The following OLFM1 variants were observed in gnomAD, a reference collection of about 807,000 sequenced individuals.
OLFM1 encodes the protein olfactomedin 1, also known as noelin.
Under a neutral mutation model 49.7 loss-of-function variants are expected in OLFM1, and 9 were observed. The observed-to-expected ratio is 0.18, with a 90% CI of 0.11 to 0.32. OLFM1 has a LOEUF of 0.32. OLFM1 is among the 10% of genes least tolerant of loss of function. The probability of loss-of-function intolerance (pLI) is 1.00; values close to 1 mark genes in which losing one functional copy is unlikely to be tolerated. For missense variants in OLFM1, 369 were observed against 661.8 expected (o/e 0.56, Z 4.85); for synonymous variants, 240 against 271.8 (o/e 0.88, Z 1.15).
Position 135,120,459 on chromosome 9 carries a change from T to A in OLFM1, c.*281T>A, listed in dbSNP as rs149636813. ...GTCCCTCTCTGGTCAAACAACATAC[T>A]AAAGAGGCGAGGCAATGACTGTTGG... On this transcript the variant is annotated 3_prime_UTR_variant, in exon 6 of 6. Transcript: ENST00000371793. 1.2e-3 allele frequency: 562 copies of A among 462,810 alleles called. No individual in the cohort carries two copies. Among genetic ancestry groups the A allele is most frequent in the Non-Finnish European group, 1.7e-3 (448 of 258,046 alleles). The allele number at this position is 462,810 out of a possible 1,614,324, so 28.7% of individuals were successfully genotyped here.
At chr9:135,091,556 CAT>C (rs1422866113) in intron 2 of OLFM1, among the ~76,000 whole-genome samples, 74 of 87,506 alleles carry the variant, frequency 8.5e-4, no homozygotes, top group African/African-American at 3.0e-3. Context: ...GTCACACACT[CAT>C]AGTCACACAC....
chr9:135,116,575 AAC>A (rs1015684570), intron 5 of OLFM1, among the ~76,000 whole-genome samples: 4 of 152,150 alleles, frequency 2.6e-5, no homozygotes, highest in African/African-American at 9.6e-5. Flanking sequence ...GTGATGTGTG[AAC>A]ACAGTCAAAG....
At chr9:135,095,745 C>T in intron 2 of OLFM1, 119 bp from the exon 3 acceptor site, 1 of 1,030,306 alleles carries the variant, frequency 9.7e-7, no homozygotes, top group South Asian at 1.5e-5. Context: ...ATGCATGGGC[C>T]ACTTCTGGTT....
chr9:135,084,112 C>T (rs1830565664), upstream of OLFM1, among the ~76,000 whole-genome samples: 1 of 152,234 alleles, frequency 6.6e-6, no homozygotes, highest in Admixed American at 6.5e-5. The surrounding 1 kb of genome is among the most constrained non-coding windows in gnomAD (Gnocchi z 4.6). Context: ...TCTTCTGTGG[C>T]TGCCGAGAGG....
At chr9:135,079,993 T>C (rs888212110) in intron 1 of OLFM1, among the ~76,000 whole-genome samples, 6 of 151,972 alleles carry the variant, frequency 3.9e-5, no homozygotes, top group South Asian at 2.1e-4. Flanking sequence ...GGGACTGCAC[T>C]TGGGGAGTTG....
At chr9:135,114,594 G>A (rs1298146646) in intron 5 of OLFM1, among the ~76,000 whole-genome samples, 1 of 151,886 alleles carries the variant, frequency 6.6e-6, no homozygotes, top group Admixed American at 6.6e-5. Flanking sequence ...GTGGCCTGGG[G>A]CAGGGATGGG....
At position 135,098,610 on chromosome 9, in the gene OLFM1, G is replaced by C. The variant is rs542384773; in HGVS notation, c.676+105G>C. On this transcript the variant is annotated intron_variant, in intron 4 of 5. Transcript: ENST00000371793. The surrounding 1 kb of genome is among the most constrained non-coding windows in gnomAD (Gnocchi z 5.6). ...GTGGACAGCGCCCGCCTGGCTTCGC[G>C]AGGTGATGGCTGGATTAGGGCTCCT... is the stretch of plus-strand genomic sequence containing the variant. The C allele has an allele frequency of 5.8e-6, 6 of 1,035,214 alleles. No individual in the cohort carries two copies. In the East Asian group the frequency reaches 1.5e-4, roughly 26 times the overall value. 64.1% of individuals were successfully genotyped at this position (1,035,214 alleles called of 1,614,324 possible). A position where few individuals can be genotyped will look rare whatever the true frequency, so the allele number is the denominator to read the frequency against.
chr9:135,097,501 C>T (rs77250383), intron 3 of OLFM1, among the ~76,000 whole-genome samples: 2,253 of 152,292 alleles, frequency 0.015, 36 homozygotes, highest in Non-Finnish European at 0.02. Context: ...ACGTTGTTGA[C>T]ACAGGCATCT....
chr9:135,080,808 C>T lies in OLFM1; in HGVS notation c.96+5006C>T, dbSNP rs1830522712. ...CAGGGCGAGCAGCCAATTTCCAGCT[C>T]TGAAAGATTCGTCCTGGACACCCTG... On this transcript the variant is annotated intron_variant, in intron 1 of 5. Transcript: ENST00000252854. The surrounding 1 kb of genome is among the most constrained non-coding windows in gnomAD (Gnocchi z 4.5). Among the ~76,000 whole-genome samples, 1 of 152,122 alleles carries T rather than the reference C, an allele frequency of 6.6e-6. No individual in the cohort carries two copies. Among genetic ancestry groups the T allele is most frequent in the African/African-American group, 2.4e-5 (1 of 41,422 alleles).
chr9:135,076,859 G>C lies in OLFM1; in HGVS notation c.96+1057G>C, dbSNP rs1344613202. The C allele has an allele frequency of 2.6e-6, 4 of 1,550,414 alleles. No individual in the cohort carries two copies. The African/African-American group carries it at 5.5e-5, about 21-fold the overall frequency. On this transcript the variant is annotated intron_variant, in intron 1 of 5. Transcript: ENST00000252854. Reference sequence around the variant, plus strand: ...AGAAGATGGGAGGGCCAGAGAGCGAGAGGAAGACCACAGGAGAGAAGACAC... The same window carrying C: ...AGAAGATGGGAGGGCCAGAGAGCGACAGGAAGACCACAGGAGAGAAGACAC...
chr9:135,081,833 G>A (rs964461778), intron 1 of OLFM1, among the ~76,000 whole-genome samples: 2 of 152,154 alleles, frequency 1.3e-5, no homozygotes, highest in South Asian at 2.1e-4. Context: ...CTCTCAGTGA[G>A]GCTCTAAACT....
At chr9:135,112,010 C>T (rs1203178961) in intron 5 of OLFM1, among the ~76,000 whole-genome samples, 2 of 152,208 alleles carry the variant, frequency 1.3e-5, no homozygotes, top group Non-Finnish European at 2.9e-5. Context: ...CCACCACGCC[C>T]AGCCAGGACA....
In OLFM1 at chr9:135,088,161, C is replaced by G; in HGVS notation, c.150+22C>G. The G allele has an allele frequency of 7.6e-7, 1 of 1,312,768 alleles. No individual in the cohort carries two copies. Among genetic ancestry groups the G allele is most frequent in the African/African-American group, 1.5e-5 (1 of 64,554 alleles). 81.3% of individuals were successfully genotyped at this position (1,312,768 alleles called of 1,614,324 possible). On this transcript the variant is annotated intron_variant, in intron 1 of 5. Coordinates refer to ENST00000371793, the MANE Select transcript of OLFM1 (RefSeq NM_001282611.2). The surrounding 1 kb of genome is among the most constrained non-coding windows in gnomAD (Gnocchi z 4.8). Reference sequence around the variant, plus strand: ...CGGCGTAAGTGCGCCCGCCGGCCGCCTTGGCGCGGCTCCTCCTCCTCCTCC... The same window carrying G: ...CGGCGTAAGTGCGCCCGCCGGCCGCGTTGGCGCGGCTCCTCCTCCTCCTCC...
At chr9:135,083,284 G>A (rs560638228), upstream of OLFM1, among the ~76,000 whole-genome samples, 1 of 152,306 alleles carries the variant, frequency 6.6e-6, no homozygotes, top group East Asian at 1.9e-4. Flanking sequence ...CGGCAACTAA[G>A]GGAATACAGA....
rs1830516493 is a variant in OLFM1 at position 135,080,332 on chromosome 9, G to A, written c.96+4530G>A. 6.6e-6 allele frequency among the ~76,000 whole-genome samples: 1 copy of A among 152,100 alleles called. No individual in the cohort carries two copies. The highest frequency in any genetic ancestry group is 2.1e-4 in the South Asian group (1 of 4,830). ...TACAGTGTTTGTAGAAGGGGATGGA[G>A]TGCACGGGTAGGGGGAAGAGTTCAG... On this transcript the variant is annotated intron_variant, in intron 1 of 5. Transcript: ENST00000252854. This position sits in a 1 kb window ranked among gnomAD's most constrained non-coding sequence, Gnocchi z 4.5.
chr9:135,107,704 C>T (rs541515667), intron 5 of OLFM1, among the ~76,000 whole-genome samples: 2 of 152,214 alleles, frequency 1.3e-5, no homozygotes, highest in Non-Finnish European at 2.9e-5. Context: ...CAACCCCTTC[C>T]TTCAGGGGTT....
rs750603298 is a variant in OLFM1 at position 135,119,953 on chromosome 9, G to A, written c.1233G>A (p.Thr411=). 1.5e-5 allele frequency: 24 copies of A among 1,613,642 alleles called. No individual in the cohort carries two copies. Among genetic ancestry groups the A allele is most frequent in the African/African-American group, 1.1e-4 (8 of 75,034 alleles). Residue 411 remains threonine, a synonymous_variant, in exon 6 of 6, where the codon ACG becomes ACA. Coordinates refer to ENST00000371793, the MANE Select transcript of OLFM1 (RefSeq NM_001282611.2). The part of the protein sequence containing the change: ...SAGEAFIICG[T]LYVTNGYSGG... Reference sequence around the variant, plus strand: ...GGGAGGCCTTCATCATCTGCGGCACGCTGTACGTCACCAACGGCTACTCAG... The same window carrying A: ...GGGAGGCCTTCATCATCTGCGGCACACTGTACGTCACCAACGGCTACTCAG...
Position 135,118,874 on chromosome 9 carries a change from TGTCTTTGGAGTGCTTACTGG to T in OLFM1, c.784-615_784-596del, listed in dbSNP as rs1831141563. ...CACCGGGTCTTTGGAGTGCTCACTG[TGTCTTTGGAGTGCTTACTGG>T]GTCTTTGGAGTGCTCGCCGGGTCTT... On this transcript the variant is annotated intron_variant, in intron 5 of 5. Coordinates refer to ENST00000371793, the MANE Select transcript of OLFM1 (RefSeq NM_001282611.2). Among the ~76,000 whole-genome samples the T allele has an allele frequency of 4.3e-5, 4 of 92,514 alleles. No individual in the cohort carries two copies. In the South Asian group the frequency reaches 1.1e-3, roughly 25 times the overall value. The allele number at this position is 92,514 out of a possible 152,430, so 60.7% of individuals were successfully genotyped here.
chr9:135,098,633 C>G lies in OLFM1; in HGVS notation c.676+128C>G. 1 of 774,398 alleles carries G rather than the reference C, an allele frequency of 1.3e-6. No individual in the cohort carries two copies. Among genetic ancestry groups the G allele is most frequent in the South Asian group, 1.7e-5 (1 of 58,404 alleles). 48.0% of individuals were successfully genotyped at this position (774,398 alleles called of 1,614,324 possible). A position where few individuals can be genotyped will look rare whatever the true frequency, so the allele number is the denominator to read the frequency against. ...GCGAGGTGATGGCTGGATTAGGGCT[C>G]CTGGGCAGGTCTACCTTGAGAGACA... is the stretch of plus-strand genomic sequence containing the variant. On this transcript the variant is annotated intron_variant, in intron 4 of 5. Transcript: ENST00000371793. The surrounding 1 kb of genome is among the most constrained non-coding windows in gnomAD (Gnocchi z 5.6).
Sources: gnomAD v4.1 joint callset for allele counts (sites outside exome capture counted in the v4.1 genomes callset) on GRCh38, gnomAD v4.1.1 for gene constraint, Gnocchi (gnomAD v3.1) non-coding constraint, MANE v1.5 for transcripts, NCBI Gene and HGNC (gene_info 2026-07-23, HGNC 2026-07-21) for gene names.